Variants in MAML2 observed in about 807,000 individuals in gnomAD.
The protein encoded by MAML2 is mastermind-like protein 2.
In MAML2, 22 loss-of-function variants were observed where a neutral mutation model predicts 96.1. That is an observed-to-expected ratio of 0.23 (90% CI 0.16 to 0.33). MAML2 has a LOEUF of 0.33. Among genes scored for constraint, MAML2 ranks in the 10% least tolerant of loss-of-function variants. The pLI is 1.00. For synonymous variants in MAML2, 561 were observed against 521.3 expected, an observed-to-expected ratio of 1.08 and a Z score of -1.04; for missense variants, 1,367 against 1,392.4, an observed-to-expected ratio of 0.98 and a Z score of 0.29.
chr11:96,170,666 G>A (rs991016994), intron 1 of MAML2, among the ~76,000 whole-genome samples: 7 of 152,192 alleles, frequency 4.6e-5, no homozygotes, highest in African/African-American at 1.4e-4. Flanking sequence ...CATGGGGCTG[G>A]AAGCTGTGGA....
At chr11:96,270,317 T>A (rs1862898335) in intron 1 of MAML2, among the ~76,000 whole-genome samples, 1 of 152,158 alleles carries the variant, frequency 6.6e-6, no homozygotes, top group African/African-American at 2.4e-5. Context: ...ATACCACCAT[T>A]TCTTTTCTTT....
intron 1 of MAML2, among the ~76,000 whole-genome samples, chr11:96,114,957 G>A (rs778574129): frequency 6.6e-6 from 1 of 152,188 alleles, no homozygotes; most frequent in Admixed American, 6.5e-5. Context: ...GTGAGGCAGA[G>A]GCAGCCGGTA....
At chr11:96,002,231 C>T (rs1007159371) in intron 2 of MAML2, among the ~76,000 whole-genome samples, 16 of 152,124 alleles carry the variant, frequency 1.1e-4, no homozygotes, top group Admixed American at 2.0e-4. Flanking sequence ...GCAGACTCTC[C>T]ATAGATGTTT....
chr11:96,022,984 A>T (rs1858458764), intron 2 of MAML2, among the ~76,000 whole-genome samples: 1 of 152,208 alleles, frequency 6.6e-6, no homozygotes, highest in Admixed American at 6.5e-5. Flanking sequence ...TAAAAAAATG[A>T]CTGCTAAAGA....
chr11:96,166,177 T>TCTCTCTCTCTCACA (rs530578845), intron 1 of MAML2, among the ~76,000 whole-genome samples: 29 of 110,382 alleles, frequency 2.6e-4, no homozygotes, highest in Non-Finnish European at 4.9e-4. Context: ...TCTCTCTCTC[T>TCTCTCTCTCTCACA]CACACACACA....
chr11:96,327,956 CGTGGTGGCGCACACCT>C (rs1863807478), intron 1 of MAML2, among the ~76,000 whole-genome samples: 2 of 151,798 alleles, frequency 1.3e-5, no homozygotes, highest in African/African-American at 4.8e-5. Flanking sequence ...ATTAGCCAGG[CGTGGTGGCGCACACCT>C]GTGGTCCCAG....
rs1009597519 is a variant in MAML2, at chr11:96,341,923, T to C, written c.-28A>G. 3 of 1,485,066 alleles carry C rather than the reference T, an allele frequency of 2.0e-6. No individual in the cohort carries two copies. The highest frequency in any genetic ancestry group is 2.4e-5 in the Admixed American group (1 of 41,924). The allele number at this position is 1,485,066 out of a possible 1,614,324, so 92.0% of individuals were successfully genotyped here. A position where few individuals can be genotyped will look rare whatever the true frequency, so the allele number is the denominator to read the frequency against. On this transcript the variant is annotated 5_prime_UTR_variant, in exon 1 of 5. Transcript: ENST00000524717. ...TACCGGACACAATGATTGCTGCCTC[T>C]GGGATGGTGAGGTGGAAAGAGGCTA... is the stretch of plus-strand genomic sequence containing the variant.
rs552861233 is a variant in MAML2 at position 96,190,111 on chromosome 11, G to GT, written c.514-96595dup. ...ATGTTAATAGAGCACTGAATTTTTA[G>GT]TTTTAGTGATGAACATGGAGTCTGC... On this transcript the variant is annotated intron_variant, in intron 1 of 4. Coordinates refer to ENST00000524717, the MANE Select transcript of MAML2 (RefSeq NM_032427.4). 7.9e-4 allele frequency among the ~76,000 whole-genome samples: 121 copies of GT among 152,294 alleles called. 1 individual carries two copies. The highest frequency in any genetic ancestry group is 6.4e-3 in the South Asian group (31 of 4,824).
intron 1 of MAML2, among the ~76,000 whole-genome samples, chr11:96,169,356 T>A (rs1861244093): frequency 6.6e-6 from 1 of 152,216 alleles, no homozygotes; most frequent in Non-Finnish European, 1.5e-5. Flanking sequence ...TTCTCTTTCC[T>A]CCTGCTCTGC....
chr11:96,183,133 A>G (rs536894073), intron 1 of MAML2, among the ~76,000 whole-genome samples: 2 of 151,202 alleles, frequency 1.3e-5, no homozygotes, highest in Admixed American at 6.6e-5. Context: ...AATTTTTTGT[A>G]TTTTTAGTAG....
chr11:96,178,966 G>A (rs569444758), intron 1 of MAML2, among the ~76,000 whole-genome samples: 16 of 152,318 alleles, frequency 1.1e-4, no homozygotes, highest in African/African-American at 3.6e-4. Flanking sequence ...ATTGCCCGAT[G>A]AAATGGTCAC....
Position 96,137,710 on chromosome 11 carries a change from A to C in MAML2, c.514-44193T>G, listed in dbSNP as rs988430992. On this transcript the variant is annotated intron_variant, in intron 1 of 4. Coordinates refer to ENST00000524717, the MANE Select transcript of MAML2 (RefSeq NM_032427.4). ...GAAAGACGGTGGGCAGGGGAGACAG[A>C]AGAAACTGTGGGTGTTTATGGTTAA... Among the ~76,000 whole-genome samples, 24 of 152,366 alleles carry C rather than the reference A, an allele frequency of 1.6e-4. No individual in the cohort carries two copies. The East Asian group carries it at 4.6e-3, about 29-fold the overall frequency.
At chr11:96,227,665 T>C (rs537139190) in intron 1 of MAML2, among the ~76,000 whole-genome samples, 2 of 152,318 alleles carry the variant, frequency 1.3e-5, no homozygotes, top group South Asian at 4.1e-4. Context: ...GAAATAATAA[T>C]AATAGTAGTT....
At chr11:96,016,559 T>G (rs982882226) in intron 2 of MAML2, among the ~76,000 whole-genome samples, 1 of 152,198 alleles carries the variant, frequency 6.6e-6, no homozygotes, top group African/African-American at 2.4e-5. Context: ...CATACCATAC[T>G]GTCTAGCAGA....
chr11:96,257,538 A>ATT (rs1159826916), intron 1 of MAML2, among the ~76,000 whole-genome samples: 1 of 152,210 alleles, frequency 6.6e-6, no homozygotes, highest in Non-Finnish European at 1.5e-5. Context: ...CTTTCAAGGT[A>ATT]TTTGTTCAGT....
intron 1 of MAML2, among the ~76,000 whole-genome samples, chr11:96,123,146 C>T (rs1250263843): frequency 2.6e-5 from 4 of 152,202 alleles, no homozygotes; most frequent in African/African-American, 4.8e-5. Context: ...GCCCCCACTG[C>T]TGGAAGCATT....
At chr11:96,222,699 G>A (rs1260984961) in intron 1 of MAML2, among the ~76,000 whole-genome samples, 4 of 152,022 alleles carry the variant, frequency 2.6e-5, no homozygotes, top group East Asian at 3.9e-4. Context: ...GTTGCATATC[G>A]TGGCCAAAGA....
chr11:96,233,991 T>G (rs1410642981), intron 1 of MAML2, among the ~76,000 whole-genome samples: 1 of 152,224 alleles, frequency 6.6e-6, no homozygotes, highest in African/African-American at 2.4e-5. Context: ...CAGCACTGTC[T>G]CCATCCTATG....
chr11:96,162,676 A>ACTC (rs1861129318), intron 1 of MAML2, among the ~76,000 whole-genome samples: 1 of 148,748 alleles, frequency 6.7e-6, no homozygotes, highest in African/African-American at 2.5e-5. Context: ...GCGCCCTTGC[A>ACTC]CTCCAGCCTG....
Sources: gnomAD v4.1 joint callset for allele counts (sites outside exome capture counted in the v4.1 genomes callset) on GRCh38, gnomAD v4.1.1 for gene constraint, MANE v1.5 for transcripts, NCBI Gene and HGNC (gene_info 2026-07-23, HGNC 2026-07-21) for gene names.